VOPP1: variants seen among roughly 807,000 people sequenced by gnomAD.
VOPP1 encodes VOPP1 WW domain binding protein.
In VOPP1, 8 loss-of-function variants were observed where a neutral mutation model predicts 23.5. The observed-to-expected ratio is 0.34, with a 90% CI of 0.20 to 0.61. The LOEUF (loss-of-function observed/expected upper bound fraction) is 0.61. Ranked by LOEUF, VOPP1 falls within the 20% of genes least tolerant of loss-of-function variation. The probability of loss-of-function intolerance (pLI) is 0.78; values close to 1 mark genes in which losing one functional copy is unlikely to be tolerated. For synonymous variants in VOPP1, 83 were observed against 97.3 expected, an observed-to-expected ratio of 0.85 and a Z score of 0.86; for missense variants, 174 against 238.1, an observed-to-expected ratio of 0.73 and a Z score of 1.77.
chr7:55,547,412 C>A (rs1184846312), intron 1 of VOPP1, among the ~76,000 whole-genome samples: 1 of 152,156 alleles, frequency 6.6e-6, no homozygotes, highest in Non-Finnish European at 1.5e-5. Context: ...GAAATTTGGG[C>A]TAATTAACAG....
chr7:55,459,991 T>C lies in VOPP1; in HGVS notation n.418-23817A>G, dbSNP rs147018191. Among the ~76,000 whole-genome samples the C allele has an allele frequency of 3.1e-4, 47 of 152,274 alleles. 1 individual carries two copies. The East Asian group carries it at 8.9e-3, about 29-fold the overall frequency. On this transcript the variant is annotated intron_variant and non_coding_transcript_variant, in intron 4 of 4. Transcript: ENST00000462326. ...TTAAAATATTTCTGCTTTTGTGATATAGGCATTTAGTGCTATATACTTCCC... is the reference window on the plus strand; with the variant it reads ...TTAAAATATTTCTGCTTTTGTGATACAGGCATTTAGTGCTATATACTTCCC...
At chr7:55,484,388 A>G (rs918428374) in intron 4 of VOPP1, among the ~76,000 whole-genome samples, 2 of 152,152 alleles carry the variant, frequency 1.3e-5, no homozygotes, top group Admixed American at 6.5e-5. Context: ...CTAGAGAAGC[A>G]CAGGTGCTTT....
Position 55,453,997 on chromosome 7 carries a change from C to A in VOPP1, n.418-17823G>T, listed in dbSNP as rs1220339150. Among the ~76,000 whole-genome samples, 7 of 152,002 alleles carry A rather than the reference C, an allele frequency of 4.6e-5. 1 individual carries two copies. Among genetic ancestry groups the A allele is most frequent in the Non-Finnish European group, 1.0e-4 (7 of 68,004 alleles). ...AAGTAGAGAAAATAGTATACCAAAT[C>A]CTCATTTATTCATCACCCACATCCA... On this transcript the variant is annotated intron_variant and non_coding_transcript_variant, in intron 4 of 4. Transcript: ENST00000462326.
chr7:55,452,947 C>A (rs1373240647), intron 4 of VOPP1, among the ~76,000 whole-genome samples: 1 of 152,220 alleles, frequency 6.6e-6, no homozygotes, highest in African/African-American at 2.4e-5. Context: ...GAGGGTTAGT[C>A]TGTCCTTTGA....
chr7:55,552,063 T>C (rs889046856), intron 1 of VOPP1, among the ~76,000 whole-genome samples: 6 of 110,538 alleles, frequency 5.4e-5, no homozygotes, highest in African/African-American at 2.2e-4. Context: ...TGACAAGGTG[T>C]GGAGGTGGAG....
intron 4 of VOPP1, among the ~76,000 whole-genome samples, chr7:55,489,323 A>C (rs939240984): frequency 1.3e-5 from 2 of 152,200 alleles, no homozygotes; most frequent in African/African-American, 2.4e-5. Context: ...ATGGCAAACC[A>C]AGTCTACATT....
At chr7:55,497,864 C>T (rs1794087169) in intron 2 of VOPP1, among the ~76,000 whole-genome samples, 174 bp from the exon 3 acceptor site, 1 of 152,280 alleles carries the variant, frequency 6.6e-6, no homozygotes, top group Non-Finnish European at 1.5e-5. Context: ...AGAATGACAT[C>T]AGCCTGTGGC....
chr7:55,525,789 TAAAAAAAAAA>T lies in VOPP1; in HGVS notation c.55-4669_55-4660del, dbSNP rs141901865. Among the ~76,000 whole-genome samples the T allele has an allele frequency of 1.7e-4, 13 of 77,976 alleles. No individual in the cohort carries two copies. In the East Asian group the frequency reaches 6.9e-3, roughly 41 times the overall value. 51.2% of individuals were successfully genotyped at this position (77,976 alleles called of 152,430 possible). On this transcript the variant is annotated intron_variant, in intron 1 of 4. Transcript: ENST00000285279. ...TCTCCCTAAAAGGAAAAAACCTCTCTAAAAAAAAAAAAAAAAAAAAAAAAAAACCTTAAAA... is the reference window on the plus strand; with the variant it reads ...TCTCCCTAAAAGGAAAAAACCTCTCTAAAAAAAAAAAAAAAAACCTTAAAA...
At chr7:55,440,957 G>T (rs918677634) in intron 4 of VOPP1, among the ~76,000 whole-genome samples, 1 of 152,180 alleles carries the variant, frequency 6.6e-6, no homozygotes, top group African/African-American at 2.4e-5. Flanking sequence ...AGAGGGGCAC[G>T]GAACACACCC....
At chr7:55,497,817 G>C in intron 2 of VOPP1, 127 bp from the exon 3 acceptor site, 1 of 759,990 alleles carries the variant, frequency 1.3e-6, no homozygotes, top group Non-Finnish European at 2.3e-6. Flanking sequence ...AAAAAGGACA[G>C]AACTGCCTCC....
At chr7:55,439,750 C>T (rs748595201) in intron 4 of VOPP1, among the ~76,000 whole-genome samples, 124 of 152,188 alleles carry the variant, frequency 8.1e-4, no homozygotes, top group Non-Finnish European at 1.3e-3. Flanking sequence ...GTGAAGTAGG[C>T]GCCAGCTCAG....
At chr7:55,451,040 AG>A (rs1222242726) in intron 4 of VOPP1, among the ~76,000 whole-genome samples, 1 of 152,226 alleles carries the variant, frequency 6.6e-6, no homozygotes, top group Non-Finnish European at 1.5e-5. Context: ...CTGGATCTTC[AG>A]GGCTGGCATC....
intron 2 of VOPP1, among the ~76,000 whole-genome samples, chr7:55,516,927 T>TGAGACGGAGTCTC (rs1795474748): frequency 2.1e-5 from 1 of 47,338 alleles, no homozygotes; most frequent in Non-Finnish European, 3.6e-5. Context: ...TATATATATA[T>TGAGACGGAGTCTC]ATATATTTTT....
At chr7:55,438,187 G>A (rs1299814949) in intron 4 of VOPP1, among the ~76,000 whole-genome samples, 3 of 152,034 alleles carry the variant, frequency 2.0e-5, no homozygotes, top group Non-Finnish European at 2.9e-5. Flanking sequence ...GAGCCACTGC[G>A]CCTGGCCCTT....
At chr7:55,488,221 G>A (rs1420527358) in intron 4 of VOPP1, among the ~76,000 whole-genome samples, 2 of 152,176 alleles carry the variant, frequency 1.3e-5, no homozygotes, top group South Asian at 2.1e-4. Flanking sequence ...TCTGCACACC[G>A]TTTCATTTTG....
rs996675006 is a variant in VOPP1 at position 55,568,068 on chromosome 7, G to A, written c.54+4203C>T. On this transcript the variant is annotated intron_variant, in intron 1 of 4. Transcript: ENST00000285279. ...ATGTCCACTTTGCAACCCTCTCTAA[G>A]AGACAACTATTCCTTTTTTTTTTTT... is the stretch of plus-strand genomic sequence containing the variant. Among the ~76,000 whole-genome samples, 11 of 145,492 alleles carry A rather than the reference G, an allele frequency of 7.6e-5. No individual in the cohort carries two copies. In the East Asian group the frequency reaches 2.1e-3, roughly 27 times the overall value.
At chr7:55,530,479 T>C (rs748072352) in intron 1 of VOPP1, among the ~76,000 whole-genome samples, 1 of 152,170 alleles carries the variant, frequency 6.6e-6, no homozygotes, top group Non-Finnish European at 1.5e-5. Flanking sequence ...TTAGGTGGTT[T>C]ACAAAAGAGC....
rs1270368506 is a variant in VOPP1, at chr7:55,472,677, G to GT, written c.*177dup. On this transcript the variant is annotated 3_prime_UTR_variant, in exon 5 of 5. Coordinates refer to ENST00000285279, the MANE Select transcript of VOPP1 (RefSeq NM_030796.5). Reference sequence around the variant, plus strand: ...ACAGAAGCAACAGAGGAGACAAAGTGTGAGTTCATATATTGTACTCCATGG... The same window carrying GT: ...ACAGAAGCAACAGAGGAGACAAAGTGTTGAGTTCATATATTGTACTCCATGG... The GT allele has an allele frequency of 2.7e-6, 1 of 370,306 alleles. No homozygotes were observed. Among genetic ancestry groups the GT allele is most frequent in the Non-Finnish European group, 4.6e-6 (1 of 216,444 alleles). The allele number at this position is 370,306 out of a possible 1,614,324, so 22.9% of individuals were successfully genotyped here.
At chr7:55,564,797 A>AT (rs1481709975) in intron 1 of VOPP1, among the ~76,000 whole-genome samples, 8 of 152,140 alleles carry the variant, frequency 5.3e-5, no homozygotes, top group African/African-American at 1.9e-4. Context: ...AATCTTCCAA[A>AT]GGGCCTCCAG....
Sources: gnomAD v4.1 joint callset for allele counts (sites outside exome capture counted in the v4.1 genomes callset) on GRCh38, gnomAD v4.1.1 for gene constraint, MANE v1.5 for transcripts, NCBI Gene and HGNC (gene_info 2026-07-23, HGNC 2026-07-21) for gene names.